ANKRD17: variants seen among roughly 807,000 people sequenced by gnomAD.
ANKRD17 encodes ankyrin repeat domain 17.
Under a neutral mutation model 229.7 loss-of-function variants are expected in ANKRD17, and 19 were observed. That is an observed-to-expected ratio of 0.08 (90% CI 0.06 to 0.12). ANKRD17 has a LOEUF of 0.12. Ranked by LOEUF, ANKRD17 falls within the 10% of genes least tolerant of loss-of-function variation. The probability of loss-of-function intolerance (pLI) is 1.00; values close to 1 mark genes in which losing one functional copy is unlikely to be tolerated. For missense variants in ANKRD17, 2,176 were observed against 3,176.8 expected (o/e 0.68, Z 7.57); for synonymous variants, 1,112 against 1,146.1 (o/e 0.97, Z 0.60).
intron 1 of ANKRD17, among the ~76,000 whole-genome samples, chr4:73,187,346 A>G (rs1192090589): frequency 6.6e-6 from 1 of 152,226 alleles, no homozygotes; most frequent in Non-Finnish European, 1.5e-5. Flanking sequence ...AGAAACCAGT[A>G]TAATACAACG....
At chr4:73,137,249 A>G (rs1447752367) in intron 15 of ANKRD17, among the ~76,000 whole-genome samples, 2 of 152,180 alleles carry the variant, frequency 1.3e-5, no homozygotes, top group Non-Finnish European at 2.9e-5. Flanking sequence ...ACCACACATC[A>G]GAAAAGTTTT....
intron 7 of ANKRD17, among the ~76,000 whole-genome samples, chr4:73,149,406 G>C (rs1489418538): frequency 6.6e-6 from 1 of 152,122 alleles, no homozygotes; most frequent in African/African-American, 2.4e-5. Flanking sequence ...GTTTAGAGAG[G>C]AAAAGAAGAA....
intron 1 of ANKRD17, among the ~76,000 whole-genome samples, chr4:73,204,517 T>TA (rs1302994336): frequency 2.6e-5 from 4 of 152,100 alleles, no homozygotes; most frequent in Non-Finnish European, 5.9e-5. Context: ...ACAAGCACTA[T>TA]AAAAAATTTT....
At chr4:73,149,503 A>G (rs998689823) in intron 7 of ANKRD17, among the ~76,000 whole-genome samples, 8 of 152,190 alleles carry the variant, frequency 5.3e-5, no homozygotes, top group African/African-American at 1.9e-4. Context: ...GGAAGGATAC[A>G]TGCTGTGTTA....
intron 1 of ANKRD17, among the ~76,000 whole-genome samples, chr4:73,195,216 C>T (rs1188645177): frequency 1.3e-5 from 2 of 152,114 alleles, no homozygotes; most frequent in Non-Finnish European, 2.9e-5. Context: ...TCCTAGGATA[C>T]ACACCATTTG....
chr4:73,118,744 C>G lies in ANKRD17; in HGVS notation c.4132G>C (p.Asp1378His). The G allele has an allele frequency of 6.2e-7, 1 of 1,614,160 alleles. No homozygotes were observed. The highest frequency in any genetic ancestry group is 8.5e-7 in the Non-Finnish European group (1 of 1,180,030). The change falls in exon 22 of 34, where the codon GAT becomes CAT. Residue 1378 changes from aspartate (D) to histidine (H), a missense_variant. Asp to His is a moderately conservative substitution (Grantham distance 81). Around this residue, in one of 18 missense-constraint regions of ANKRD17, gnomAD observed 178 missense variants for 421.7 expected, o/e 0.42. Transcript: ENST00000358602. ...VVQLLVQAGA[D>H]VDAADNRKIT... ...TTGCGGTTATCTGCTGCATCCACAT[C>G]TGCACCTGCTTGCACCAGTAACTGA...
chr4:73,221,822 G>T (rs1265272252), intron 1 of ANKRD17, among the ~76,000 whole-genome samples: 4 of 152,178 alleles, frequency 2.6e-5, no homozygotes, highest in African/African-American at 9.6e-5. Context: ...CAAGGAGGTA[G>T]GTAATAAATG....
At chr4:73,242,466 C>T (rs992771912) in intron 1 of ANKRD17, among the ~76,000 whole-genome samples, 1 of 151,974 alleles carries the variant, frequency 6.6e-6, no homozygotes, top group Admixed American at 6.6e-5. Flanking sequence ...AGATGAAGGG[C>T]CTGAAAATAC....
intron 29 of ANKRD17, among the ~76,000 whole-genome samples, chr4:73,086,632 G>C (rs1039252235): frequency 2.7e-5 from 4 of 150,858 alleles, no homozygotes; most frequent in African/African-American, 9.7e-5. Flanking sequence ...TGTTGCTCAG[G>C]GTGGAATGCA....
At chr4:73,213,373 T>A (rs555521794) in intron 1 of ANKRD17, among the ~76,000 whole-genome samples, 3 of 152,086 alleles carry the variant, frequency 2.0e-5, no homozygotes, top group African/African-American at 7.2e-5. Flanking sequence ...CTGGACAACC[T>A]GCAGCAAGAA....
chr4:73,224,551 C>A (rs935274825), intron 1 of ANKRD17, among the ~76,000 whole-genome samples: 3 of 152,084 alleles, frequency 2.0e-5, no homozygotes, highest in African/African-American at 7.2e-5. Flanking sequence ...CTGTGTCAAG[C>A]AATATATGAT....
At chr4:73,136,675 T>C (rs1415414202) in intron 15 of ANKRD17, among the ~76,000 whole-genome samples, 1 of 152,172 alleles carries the variant, frequency 6.6e-6, no homozygotes, top group Non-Finnish European at 1.5e-5. Flanking sequence ...TTGATAGTTT[T>C]GTATGTTACG....
intron 2 of ANKRD17, among the ~76,000 whole-genome samples, chr4:73,175,928 G>A (rs1192898209): frequency 6.6e-6 from 1 of 151,740 alleles, no homozygotes; most frequent in African/African-American, 2.4e-5. Context: ...ATAAAAGCAT[G>A]GGCTCCTAAA....
At chr4:73,211,047 T>G (rs922321941) in intron 1 of ANKRD17, among the ~76,000 whole-genome samples, 4 of 152,154 alleles carry the variant, frequency 2.6e-5, no homozygotes, top group African/African-American at 9.7e-5. Context: ...ATGAAATATC[T>G]TTTACCTAAA....
At chr4:73,103,640 G>A (rs1248511316) in intron 24 of ANKRD17, among the ~76,000 whole-genome samples, 1 of 152,132 alleles carries the variant, frequency 6.6e-6, no homozygotes, top group Non-Finnish European at 1.5e-5. Flanking sequence ...ATTATTTTAT[G>A]TGTATTTTAA....
chr4:73,223,274 CTCT>C (rs1362349163), intron 1 of ANKRD17, among the ~76,000 whole-genome samples: 7 of 152,132 alleles, frequency 4.6e-5, no homozygotes, highest in African/African-American at 1.7e-4. Flanking sequence ...AAAATAAAGT[CTCT>C]TATTTTACCA....
At chr4:73,114,000 C>G in intron 23 of ANKRD17, 92 bp from the exon 24 acceptor site, 1 of 797,650 alleles carries the variant, frequency 1.3e-6, no homozygotes, top group Non-Finnish European at 2.0e-6. Flanking sequence ...GTAAGGTACT[C>G]AAACCTAAGC....
At chr4:73,126,765 G>T (rs1351205126) in intron 16 of ANKRD17, among the ~76,000 whole-genome samples, 1 of 151,644 alleles carries the variant, frequency 6.6e-6, no homozygotes, top group Non-Finnish European at 1.5e-5. Context: ...ATGGAGTCTC[G>T]CTGTCACCCA....
intron 24 of ANKRD17, among the ~76,000 whole-genome samples, chr4:73,106,529 C>T (rs1724642637): frequency 1.3e-5 from 2 of 152,056 alleles, no homozygotes. Flanking sequence ...CCCATGCAAT[C>T]AACGAAGAGG....
Sources: gnomAD v4.1 joint callset for allele counts (sites outside exome capture counted in the v4.1 genomes callset) on GRCh38, gnomAD v4.1.1 for gene constraint, gnomAD v4.1.1 regional missense constraint, MANE v1.5 for transcripts, NCBI Gene and HGNC (gene_info 2026-07-23, HGNC 2026-07-21) for gene names.